ELMO1: variants seen among roughly 807,000 people sequenced by gnomAD.
ELMO1 encodes the protein engulfment and cell motility 1.
ELMO1 carries 26 observed loss-of-function variants against 98.9 expected under a neutral mutation model. The ratio of observed to expected loss-of-function variants is 0.26; its 90% CI spans 0.19 to 0.36. The LOEUF is 0.36. ELMO1 is among the 10% of genes least tolerant of loss of function. The pLI is 1.00. For synonymous variants in ELMO1, 346 were observed against 346.0 expected, an observed-to-expected ratio of 1.00 and a Z score of 0.00; for missense variants, 627 against 935.2, an observed-to-expected ratio of 0.67 and a Z score of 4.30.
At position 37,280,881 on chromosome 7, in the gene ELMO1, CAA is replaced by C. The variant is rs560184120; in HGVS notation, c.193-9001_193-9000del. Among the ~76,000 whole-genome samples the C allele has an allele frequency of 1.9e-3, 281 of 151,796 alleles. 1 individual carries two copies. Among genetic ancestry groups the C allele is most frequent in the African/African-American group, 6.5e-3 (270 of 41,402 alleles). On this transcript the variant is annotated intron_variant, in intron 4 of 21. Coordinates refer to ENST00000310758, the MANE Select transcript of ELMO1 (RefSeq NM_014800.11). ...AGCCAGAGGAAAAGAAGTCATTATT[CAA>C]AAAAAGATACTTGCACATGCACGTT... is the stretch of plus-strand genomic sequence containing the variant.
At chr7:37,259,153 T>C (rs1795849913) in intron 6 of ELMO1, 28 bp downstream of exon 6, 1 of 1,596,086 alleles carries the variant, frequency 6.3e-7, no homozygotes, top group Non-Finnish European at 8.6e-7. Flanking sequence ...GCAGGACAGC[T>C]GTGGAAGTTA....
intron 18 of ELMO1, among the ~76,000 whole-genome samples, chr7:36,880,079 CTG>C (rs1472118698): frequency 6.6e-6 from 1 of 152,214 alleles, no homozygotes; most frequent in Non-Finnish European, 1.5e-5. Flanking sequence ...CCCTACGTGG[CTG>C]TGATGACCAG....
chr7:37,292,844 C>T (rs1481633276), intron 4 of ELMO1, among the ~76,000 whole-genome samples: 1 of 112,264 alleles, frequency 8.9e-6, no homozygotes, highest in African/African-American at 3.2e-5. Flanking sequence ...TGAGGGGCGC[C>T]TCTGCCCGGC....
chr7:37,117,805 G>A (rs1054200308), intron 14 of ELMO1, among the ~76,000 whole-genome samples: 1 of 152,090 alleles, frequency 6.6e-6, no homozygotes, highest in Non-Finnish European at 1.5e-5. Flanking sequence ...AAACTCAAAC[G>A]TCCCAACAAG....
intron 4 of ELMO1, among the ~76,000 whole-genome samples, chr7:37,284,686 A>G (rs1797302977): frequency 6.6e-6 from 1 of 152,200 alleles, no homozygotes; most frequent in Non-Finnish European, 1.5e-5. Flanking sequence ...AAGGCCTTTG[A>G]AATGTTCAAA....
intron 15 of ELMO1, among the ~76,000 whole-genome samples, chr7:37,031,538 T>C (rs1254346176): frequency 1.3e-5 from 2 of 152,190 alleles, no homozygotes; most frequent in African/African-American, 4.8e-5. Context: ...GAGCAGTTGT[T>C]CCCACTTCCA....
chr7:37,259,038 A>G lies in ELMO1; in HGVS notation c.413+143T>C, dbSNP rs1584884170. 6.4e-6 allele frequency: 6 copies of G among 933,870 alleles called. No individual in the cohort carries two copies. In the East Asian group the frequency reaches 1.8e-4, roughly 28 times the overall value. 57.8% of individuals were successfully genotyped at this position (933,870 alleles called of 1,614,324 possible). ...GAAATTACAAACCCACTGCCTCGCC[A>G]CTATCTTAAAAACTATTTTTTTCCT... On this transcript the variant is annotated intron_variant, in intron 6 of 21. Transcript: ENST00000310758.
At chr7:37,039,355 C>A (rs1374615640) in intron 15 of ELMO1, among the ~76,000 whole-genome samples, 1 of 152,184 alleles carries the variant, frequency 6.6e-6, no homozygotes, top group Non-Finnish European at 1.5e-5. Context: ...ACTCTGACTG[C>A]AGGCCATGAG....
chr7:36,933,370 C>T (rs929098897), intron 16 of ELMO1, among the ~76,000 whole-genome samples: 3 of 152,174 alleles, frequency 2.0e-5, no homozygotes, highest in African/African-American at 7.2e-5. Context: ...AGGTCATTTT[C>T]TAGTTGAAGA....
intron 13 of ELMO1, among the ~76,000 whole-genome samples, chr7:37,138,180 C>T (rs1787385968): frequency 6.6e-6 from 1 of 151,666 alleles, no homozygotes; most frequent in African/African-American, 2.4e-5. Context: ...AAACCCAAAC[C>T]CAGCAGAAGA....
chr7:37,329,953 C>G (rs10242920), intron 2 of ELMO1, among the ~76,000 whole-genome samples: 1 of 151,980 alleles, frequency 6.6e-6, no homozygotes, highest in South Asian at 2.1e-4. Context: ...TTCCATTTTG[C>G]CCTCAAAAAA....
At chr7:37,164,498 T>A (rs139654782) in intron 13 of ELMO1, among the ~76,000 whole-genome samples, 10,619 of 152,300 alleles carry the variant, frequency 0.07, 467 homozygotes, top group South Asian at 0.2. Flanking sequence ...TTAATCCATC[T>A]TGAATTGATT....
At chr7:37,259,753 A>C (rs1390141967) in intron 5 of ELMO1, among the ~76,000 whole-genome samples, 1 of 152,228 alleles carries the variant, frequency 6.6e-6, no homozygotes, top group Non-Finnish European at 1.5e-5. Context: ...AAGCAATTAC[A>C]CAAATTTATA....
chr7:37,226,329 A>C (rs1793871706), intron 8 of ELMO1, among the ~76,000 whole-genome samples: 1 of 152,188 alleles, frequency 6.6e-6, no homozygotes, highest in Non-Finnish European at 1.5e-5. Flanking sequence ...ACCTTCTCCG[A>C]CATGTTTACT....
intron 4 of ELMO1, among the ~76,000 whole-genome samples, chr7:37,272,240 A>C (rs1796600019): frequency 6.6e-6 from 1 of 152,240 alleles, no homozygotes; most frequent in Non-Finnish European, 1.5e-5. Flanking sequence ...CCACACAAAA[A>C]TTTGTGCACT....
At chr7:37,376,398 A>G (rs1802347142) in intron 1 of ELMO1, among the ~76,000 whole-genome samples, 1 of 152,236 alleles carries the variant, frequency 6.6e-6, no homozygotes, top group South Asian at 2.1e-4. Flanking sequence ...CTTACTGCTC[A>G]GAAGTCATGT....
chr7:37,217,285 A>G (rs1793342193), intron 10 of ELMO1, among the ~76,000 whole-genome samples: 1 of 152,208 alleles, frequency 6.6e-6, no homozygotes, highest in Admixed American at 6.5e-5. Flanking sequence ...GTGCCTTGGC[A>G]TCTCCTGACT....
intron 15 of ELMO1, among the ~76,000 whole-genome samples, chr7:37,040,950 C>T (rs1008119664): frequency 2.0e-5 from 3 of 152,132 alleles, no homozygotes; most frequent in African/African-American, 7.2e-5. Flanking sequence ...CGTGGTGGCA[C>T]ATGCCTGTAA....
rs183342193 is a variant in ELMO1, at chr7:37,309,202, C to T, written c.192+5648G>A. ...CAATCATGGTGGAAGGCGAAAGGCA[C>T]ATCTTACATGGCAGCAGACAAGAGA... is the stretch of plus-strand genomic sequence containing the variant. On this transcript the variant is annotated intron_variant, in intron 4 of 21. Coordinates refer to ENST00000310758, the MANE Select transcript of ELMO1 (RefSeq NM_014800.11). 9.9e-5 allele frequency among the ~76,000 whole-genome samples: 15 copies of T among 152,268 alleles called. No homozygotes were observed. The East Asian group carries it at 1.5e-3, about 16-fold the overall frequency.
Sources: allele counts gnomAD v4.1 joint callset (sites outside exome capture counted in the v4.1 genomes callset), GRCh38; gene constraint gnomAD v4.1.1; transcripts MANE v1.5; gene names NCBI Gene and HGNC (gene_info 2026-07-23, HGNC 2026-07-21).